The following CNKSR2 variants were observed in gnomAD, a reference collection of about 807,000 sequenced individuals.
CNKSR2 encodes connector enhancer of kinase suppressor of Ras 2.
CNKSR2 carries 14 observed loss-of-function variants against 84.4 expected under a neutral mutation model. The observed-to-expected ratio is 0.17, with a 90% CI of 0.11 to 0.26. CNKSR2 has a LOEUF of 0.26. Among genes scored for constraint, CNKSR2 ranks in the 10% least tolerant of loss-of-function variants. The probability of loss-of-function intolerance (pLI) is 1.00; values close to 1 mark genes in which losing one functional copy is unlikely to be tolerated. For synonymous variants in CNKSR2, 275 were observed against 277.9 expected (o/e 0.99, Z 0.10); for missense variants, 485 against 771.2 (o/e 0.63, Z 4.40).
rs771667925 is a variant in CNKSR2, at chrX:21,462,247, A to G, written c.520-8519A>G. 5.8e-4 allele frequency among the ~76,000 whole-genome samples: 64 copies of G among 110,801 alleles called. 1 individual carries two copies. The highest frequency in any genetic ancestry group is 2.0e-3 in the African/African-American group (61 of 30,558). ...GTAGTTTCCATTACAGAGATCTTTC[A>G]CTTCTTTGATTATGTTAATTTCTAG... is the stretch of plus-strand genomic sequence containing the variant. On this transcript the variant is annotated intron_variant, in intron 4 of 21. Transcript: ENST00000379510.
At chrX:21,651,227 A>G (rs1246436835) in intron 21 of CNKSR2, among the ~76,000 whole-genome samples, 1 of 112,377 alleles carries the variant, frequency 8.9e-6, no homozygotes, top group South Asian at 3.7e-4. Context: ...AAAGATAACG[A>G]AAAGTCACTG....
At chrX:21,420,380 C>T (rs983477014) in intron 1 of CNKSR2, among the ~76,000 whole-genome samples, 2 of 112,550 alleles carry the variant, frequency 1.8e-5, no homozygotes, top group Admixed American at 9.3e-5. Flanking sequence ...CAAGAACCTG[C>T]TTTGTTCTCT....
At chrX:21,570,419 G>T (rs1278610467) in intron 13 of CNKSR2, among the ~76,000 whole-genome samples, 1 of 112,064 alleles carries the variant, frequency 8.9e-6, no homozygotes, top group Admixed American at 9.5e-5. Context: ...ATCCTTCATA[G>T]AATTGAAGAG....
intron 11 of CNKSR2, among the ~76,000 whole-genome samples, chrX:21,537,627 T>G (rs764096937): frequency 9.0e-6 from 1 of 111,617 alleles, no homozygotes; most frequent in Non-Finnish European, 1.9e-5. Flanking sequence ...ACCTTCTTTT[T>G]ACAGTTTTTG....
At chrX:21,555,220 C>T (rs1034382794) in intron 11 of CNKSR2, among the ~76,000 whole-genome samples, 1 of 110,415 alleles carries the variant, frequency 9.1e-6, no homozygotes, top group Non-Finnish European at 1.9e-5. Context: ...GAGATTTTAA[C>T]TGGTTTTGTT....
chrX:21,427,655 C>T (rs945365325), intron 2 of CNKSR2: 1 of 112,356 alleles, frequency 8.9e-6, no homozygotes, highest in African/African-American at 3.2e-5. Flanking sequence ...TCTACATTTT[C>T]CTTATGTCTA....
intron 21 of CNKSR2, among the ~76,000 whole-genome samples, chrX:21,650,364 G>A (rs911731731): frequency 1.0e-5 from 1 of 98,181 alleles, no homozygotes; most frequent in Admixed American, 1.1e-4. Flanking sequence ...TCATAAGTGG[G>A]AGTTGAACAG....
At chrX:21,498,940 T>C (rs1435036241) in intron 7 of CNKSR2, among the ~76,000 whole-genome samples, 2 of 111,886 alleles carry the variant, frequency 1.8e-5, no homozygotes, top group Admixed American at 1.9e-4. Flanking sequence ...AGCATTTTCT[T>C]TTTAAAAATC....
intron 14 of CNKSR2, 105 bp downstream of exon 14, chrX:21,590,725 A>G: frequency 1.2e-6 from 1 of 831,860 alleles, no homozygotes; most frequent in Non-Finnish European, 1.7e-6. Flanking sequence ...TGTGGTTTAG[A>G]AGAGCACAAC....
At chrX:21,583,869 T>C (rs866255340) in intron 13 of CNKSR2, among the ~76,000 whole-genome samples, 1 of 111,891 alleles carries the variant, frequency 8.9e-6, no homozygotes, top group Non-Finnish European at 1.9e-5. Flanking sequence ...GTGGACAGAA[T>C]GAAAGACAAA....
intron 1 of CNKSR2, among the ~76,000 whole-genome samples, chrX:21,389,692 G>T (rs1489255791): frequency 8.9e-6 from 1 of 112,105 alleles, no homozygotes; most frequent in East Asian, 2.8e-4. Context: ...TGATAACCCA[G>T]TACTACTCAT....
chrX:21,409,341 A>G (rs1359100998), intron 1 of CNKSR2, among the ~76,000 whole-genome samples: 3 of 96,384 alleles, frequency 3.1e-5, no homozygotes, highest in African/African-American at 1.1e-4. Context: ...TCTCCCCACC[A>G]TCCTGATTCA....
At chrX:21,454,238 A>G (rs1402073105) in intron 4 of CNKSR2, among the ~76,000 whole-genome samples, 2 of 111,597 alleles carry the variant, frequency 1.8e-5, no homozygotes, top group African/African-American at 3.3e-5. Flanking sequence ...CCCTACCACC[A>G]TATTATTCAC....
chrX:21,436,895 A>G (rs2090713685), intron 3 of CNKSR2, among the ~76,000 whole-genome samples: 1 of 111,716 alleles, frequency 9.0e-6, no homozygotes, highest in South Asian at 3.7e-4. Flanking sequence ...AGCCCAAATC[A>G]TCATACCAAA....
At chrX:21,569,590 G>T (rs1233524724) in intron 13 of CNKSR2, among the ~76,000 whole-genome samples, 1 of 111,786 alleles carries the variant, frequency 8.9e-6, no homozygotes, top group African/African-American at 3.2e-5. Context: ...TTGATATTTT[G>T]ACCTCCTCCT....
intron 20 of CNKSR2, chrX:21,642,919 T>TAA (rs2092696267): frequency 3.7e-6 from 2 of 534,365 alleles, no homozygotes; most frequent in Non-Finnish European, 4.5e-6. Context: ...CATATATATA[T>TAA]AATGATGGTT....
intron 13 of CNKSR2, among the ~76,000 whole-genome samples, chrX:21,581,320 A>T (rs1162583934): frequency 1.8e-5 from 2 of 112,014 alleles, no homozygotes; most frequent in Non-Finnish European, 3.8e-5. Context: ...GGTCAAGAGT[A>T]GTCCAGTAGC....
intron 9 of CNKSR2, among the ~76,000 whole-genome samples, chrX:21,516,978 C>G (rs745635502): frequency 1.8e-5 from 2 of 111,789 alleles, no homozygotes; most frequent in Non-Finnish European, 3.8e-5. Flanking sequence ...CCCACATACT[C>G]TTTTAGAAGA....
chrX:21,397,229 T>C (rs2090133185), intron 1 of CNKSR2, among the ~76,000 whole-genome samples: 1 of 111,615 alleles, frequency 9.0e-6, no homozygotes, highest in Non-Finnish European at 1.9e-5. Flanking sequence ...CCGTACTTTT[T>C]GAGGTCCGTT....
Sources: allele counts gnomAD v4.1 joint callset (sites outside exome capture counted in the v4.1 genomes callset), GRCh38; gene constraint gnomAD v4.1.1; transcripts MANE v1.5; gene names NCBI Gene and HGNC (gene_info 2026-07-23, HGNC 2026-07-21).